IGDCC4: variants seen among roughly 807,000 people sequenced by gnomAD.
The protein encoded by IGDCC4 is immunoglobulin superfamily DCC subclass member 4.
IGDCC4 carries 72 observed loss-of-function variants against 116.6 expected under a neutral mutation model. The ratio of observed to expected loss-of-function variants is 0.62; its 90% CI spans 0.51 to 0.75. The LOEUF is 0.75. Ranked by LOEUF, IGDCC4 falls within the 30% of genes least tolerant of loss-of-function variation. The probability of loss-of-function intolerance (pLI) is 0.00; values close to 1 mark genes in which losing one functional copy is unlikely to be tolerated. For synonymous variants in IGDCC4, 709 were observed against 719.9 expected (o/e 0.98, Z 0.24); for missense variants, 1,501 against 1,662.4 (o/e 0.90, Z 1.69).
chr15:65,394,503 G>C lies in IGDCC4; in HGVS notation c.1622C>G (p.Ser541Trp), dbSNP rs369277991. The change falls in exon 9 of 20, where the codon TCG becomes TGG. Residue 541 changes from serine to tryptophan, a missense_variant. Ser to Trp is a radical substitution (Grantham distance 177). Coordinates refer to ENST00000352385, the MANE Select transcript of IGDCC4 (RefSeq NM_020962.3). ...GGGCAGCCACGCCACCCTGATGTCC[G>C]AAGGGTTGGGGCTGGACAGGGAGAG... ...PQLSLSSPNP[S>W]DIRVAWLPLP... 3.1e-6 allele frequency: 5 copies of C among 1,612,928 alleles called. No individual in the cohort carries two copies. Among genetic ancestry groups the C allele is most frequent in the Non-Finnish European group, 4.2e-6 (5 of 1,179,324 alleles).
At chr15:65,414,437 A>G (rs1333905525) in intron 1 of IGDCC4, among the ~76,000 whole-genome samples, 1 of 152,222 alleles carries the variant, frequency 6.6e-6, no homozygotes, top group Non-Finnish European at 1.5e-5. Context: ...GCTGTGGTGG[A>G]AACAGCTTTT....
At chr15:65,396,288 C>G in intron 6 of IGDCC4, 125 bp from the exon 7 acceptor site, 1 of 1,038,576 alleles carries the variant, frequency 9.6e-7, no homozygotes, top group Non-Finnish European at 1.4e-6. Flanking sequence ...TTTAACCTCT[C>G]CCTGATTCAC....
In IGDCC4 at chr15:65,383,993, C is replaced by T. The variant is rs1393130805; in HGVS notation, c.*16G>A. The T allele has an allele frequency of 6.4e-7, 1 of 1,557,778 alleles. No individual in the cohort carries two copies. Among genetic ancestry groups the T allele is most frequent in the African/African-American group, 1.4e-5 (1 of 73,636 alleles). On this transcript the variant is annotated 3_prime_UTR_variant, in exon 20 of 20. Transcript: ENST00000352385. ...ATCCATACCTGCCTGCCCCAAACCACATCCTCTGGGAAGAGCTAGGCAGAG... is the reference window on the plus strand; with the variant it reads ...ATCCATACCTGCCTGCCCCAAACCATATCCTCTGGGAAGAGCTAGGCAGAG...
intron 6 of IGDCC4, chr15:65,396,431 C>T: frequency 1.6e-6 from 1 of 635,942 alleles, no homozygotes; most frequent in Non-Finnish European, 2.9e-6. Context: ...AATATTGCTC[C>T]TCCCGGATCT....
intron 1 of IGDCC4, among the ~76,000 whole-genome samples, chr15:65,416,597 C>T (rs1422508208): frequency 2.6e-5 from 4 of 152,066 alleles, no homozygotes; most frequent in African/African-American, 7.2e-5. Context: ...TTGCCACCCC[C>T]AGCCCACTGT....
rs1424282370 is a variant in IGDCC4 at position 65,400,792 on chromosome 15, CCCCCT to C, written c.841+9_841+13del. 1 of 1,582,338 alleles carries C rather than the reference CCCCCT, an allele frequency of 6.3e-7. No individual in the cohort carries two copies. Among genetic ancestry groups the C allele is most frequent in the East Asian group, 2.3e-5 (1 of 44,238 alleles). The stretch of plus-strand genomic sequence containing the variant: ...CCCTTCCCATGCCCTCCTTCTCCCA[CCCCCT>C]CCACTCACCTTGTCGGACCCAGGAC... On this transcript the variant is annotated intron_variant, in intron 5 of 19. Coordinates refer to ENST00000352385, the MANE Select transcript of IGDCC4 (RefSeq NM_020962.3).
chr15:65,408,193 A>G (rs1023230618), intron 3 of IGDCC4, among the ~76,000 whole-genome samples: 1 of 152,248 alleles, frequency 6.6e-6, no homozygotes, highest in Non-Finnish European at 1.5e-5. Flanking sequence ...AAAACATGTA[A>G]AAGGCTCAGC....
intron 5 of IGDCC4, 46 bp from the exon 6 acceptor site, chr15:65,397,035 C>T (rs1320392602): frequency 1.3e-6 from 2 of 1,551,558 alleles, no homozygotes. Context: ...CTAGGGACTG[C>T]CCTTCCCTTC....
At chr15:65,403,476 C>T (rs1320111461) in intron 3 of IGDCC4, among the ~76,000 whole-genome samples, 2 of 152,214 alleles carry the variant, frequency 1.3e-5, no homozygotes, top group African/African-American at 2.4e-5. Flanking sequence ...CTACCTTCTC[C>T]CTCCCTTAAT....
chr15:65,384,381 G>A lies in IGDCC4; in HGVS notation c.3381C>T (p.Asn1127=). The A allele has an allele frequency of 6.5e-7, 1 of 1,537,098 alleles. No homozygotes were observed. Among genetic ancestry groups the A allele is most frequent in the Non-Finnish European group, 8.7e-7 (1 of 1,143,938 alleles). Residue 1127 remains asparagine (N), a synonymous_variant, in exon 20 of 20, where the codon AAC becomes AAT. Coordinates refer to ENST00000352385, the MANE Select transcript of IGDCC4 (RefSeq NM_020962.3). This position sits in a 1 kb window ranked among gnomAD's most constrained non-coding sequence, Gnocchi z 4.9. ...GGACAATGACTTCAGCCTCCACCTGGTTCCTGCAGGCTGGGGGTGACTTCT... is the reference window on the plus strand; with the variant it reads ...GGACAATGACTTCAGCCTCCACCTGATTCCTGCAGGCTGGGGGTGACTTCT... ...GRKKSPPACR[N]QVEAEVIVHS...
chr15:65,386,515 T>A, intron 17 of IGDCC4, 36 bp downstream of exon 17: 1 of 1,538,098 alleles, frequency 6.5e-7, no homozygotes, highest in Non-Finnish European at 8.8e-7. Context: ...CCTGGAAGTC[T>A]CCCTTCCCTG....
In IGDCC4 at chr15:65,411,253, G is replaced by C; in HGVS notation, c.188C>G (p.Ala63Gly). Reference sequence around the variant, plus strand: ...GGTCACCCTGGTGGGGGGTCCAGCGGCAGCAGCCCCCAGGCTACAGTTTAG... The same window carrying C: ...GGTCACCCTGGTGGGGGGTCCAGCGCCAGCAGCCCCCAGGCTACAGTTTAG... ...AVLNCSLGAA[A>G]AGPPTRVTWS... The change falls in exon 2 of 20, where the codon GCC (alanine) becomes GGC (glycine). Residue 63 changes from alanine (A) to glycine (G), a missense_variant. Ala to Gly is a moderately conservative substitution (Grantham distance 60). Around this residue, in one of 3 missense-constraint regions of IGDCC4, gnomAD observed 898 missense variants for 978.9 expected, o/e 0.92. Coordinates refer to ENST00000352385, the MANE Select transcript of IGDCC4 (RefSeq NM_020962.3). 3.7e-6 allele frequency: 6 copies of C among 1,614,090 alleles called. No homozygotes were observed. The highest frequency in any genetic ancestry group is 5.1e-6 in the Non-Finnish European group (6 of 1,180,004).
chr15:65,413,747 T>C (rs1027985625), intron 1 of IGDCC4, among the ~76,000 whole-genome samples: 10 of 152,166 alleles, frequency 6.6e-5, no homozygotes, highest in Non-Finnish European at 1.0e-4. Flanking sequence ...GTCAGGACAA[T>C]GGCCCATACT....
intron 3 of IGDCC4, among the ~76,000 whole-genome samples, chr15:65,403,704 C>T (rs1233557146): frequency 6.6e-6 from 1 of 152,130 alleles, no homozygotes; most frequent in Non-Finnish European, 1.5e-5. Flanking sequence ...GCTGAGAATG[C>T]CCTTGGAGAG....
At chr15:65,407,366 G>A (rs958807025) in intron 3 of IGDCC4, among the ~76,000 whole-genome samples, 16 of 151,848 alleles carry the variant, frequency 1.1e-4, no homozygotes, top group Non-Finnish European at 1.5e-4. Context: ...ATTCTGAGAC[G>A]GAGTCTTCCT....
rs2063090995 is a variant in IGDCC4, at chr15:65,411,272, A to G, written c.169T>C (p.Cys57Arg). ...CCAGCGGCAGCAGCCCCCAGGCTAC[A>G]GTTTAGCACTGCAGCCTGCTCTGGG... is the stretch of plus-strand genomic sequence containing the variant. Reference protein sequence around the residue: ...LGPEQAAVLNCSLGAAAAGPP... With the variant: ...LGPEQAAVLNRSLGAAAAGPP... The change falls in exon 2 of 20, where the codon TGT (cysteine) becomes CGT (arginine). Residue 57 changes from cysteine (C) to arginine (R), a missense_variant. Physicochemically the swap from Cys to Arg is radical, Grantham distance 180. This residue lies in a region of IGDCC4 where 898 missense variants were observed against 978.9 expected (regional missense o/e 0.92). Coordinates refer to ENST00000352385, the MANE Select transcript of IGDCC4 (RefSeq NM_020962.3). The G allele has an allele frequency of 6.2e-7, 1 of 1,613,984 alleles. No individual in the cohort carries two copies. Among genetic ancestry groups the G allele is most frequent in the Non-Finnish European group, 8.5e-7 (1 of 1,179,966 alleles).
intron 3 of IGDCC4, 55 bp downstream of exon 3, chr15:65,410,123 C>T: frequency 6.2e-7 from 1 of 1,601,916 alleles, no homozygotes; most frequent in Non-Finnish European, 8.5e-7. Flanking sequence ...CTGAGCACAC[C>T]CCAGAGCCCT....
At chr15:65,388,778 G>C in intron 15 of IGDCC4, 30 bp downstream of exon 15, 1 of 1,613,464 alleles carries the variant, frequency 6.2e-7, no homozygotes, top group Non-Finnish European at 8.5e-7. Flanking sequence ...GGAAGCTCTT[G>C]AGCAGATGCC....
chr15:65,412,763 T>C lies in IGDCC4; in HGVS notation c.71-1393A>G, dbSNP rs557056977. 1.1e-3 allele frequency among the ~76,000 whole-genome samples: 174 copies of C among 152,080 alleles called. 1 individual carries two copies. Among genetic ancestry groups the C allele is most frequent in the African/African-American group, 3.9e-3 (163 of 41,480 alleles). On this transcript the variant is annotated intron_variant, in intron 1 of 19. Transcript: ENST00000352385. ...GCCTGGGTAACACAGGGAGACCTCA[T>C]CATTATAAAAAAAAATTTTTTTAAT... is the stretch of plus-strand genomic sequence containing the variant.
Sources: allele counts gnomAD v4.1 joint callset (sites outside exome capture counted in the v4.1 genomes callset), GRCh38; gene constraint gnomAD v4.1.1; regional missense constraint gnomAD v4.1.1; non-coding constraint Gnocchi (gnomAD v3.1); transcripts MANE v1.5; gene names NCBI Gene and HGNC (gene_info 2026-07-23, HGNC 2026-07-21).